NRXN1: variants seen among roughly 807,000 people sequenced by gnomAD.
The protein encoded by NRXN1 is neurexin-1.
NRXN1 carries 39 observed loss-of-function variants against 150.9 expected under a neutral mutation model. That is an observed-to-expected ratio of 0.26 (90% CI 0.20 to 0.34). The LOEUF (loss-of-function observed/expected upper bound fraction) is 0.34, where lower values mean the gene tolerates loss of function less well. Among genes scored for constraint, NRXN1 ranks in the 10% least tolerant of loss-of-function variants. The pLI, the probability that NRXN1 is intolerant of heterozygous loss-of-function variation, is 1.00. For missense variants in NRXN1, 1,815 were observed against 1,949.9 expected (o/e 0.93, Z 1.30); for synonymous variants, 924 against 757.0 (o/e 1.22, Z -3.62).
chr2:50,184,897 T>C (rs1376691319), intron 18 of NRXN1, among the ~76,000 whole-genome samples: 2 of 152,082 alleles, frequency 1.3e-5, no homozygotes, highest in East Asian at 1.9e-4. Context: ...CAAGGTCCCA[T>C]AGCTAGTAAG....
chr2:50,320,772 C>T (rs1055657377), intron 17 of NRXN1, among the ~76,000 whole-genome samples: 2 of 152,070 alleles, frequency 1.3e-5, no homozygotes, highest in African/African-American at 4.8e-5. Context: ...CCAGTAGCTG[C>T]TCTGATGAGA....
At chr2:50,527,452 T>C (rs951999763) in intron 12 of NRXN1, among the ~76,000 whole-genome samples, 2 of 152,314 alleles carry the variant, frequency 1.3e-5, no homozygotes, top group African/African-American at 2.4e-5. Flanking sequence ...TTGTTCGAGA[T>C]CTTTTTAAAT....
rs1490727400 is a variant in NRXN1, at chr2:50,537,426, T to C, written c.2143+827A>G. 3.9e-5 allele frequency among the ~76,000 whole-genome samples: 6 copies of C among 152,224 alleles called. No individual in the cohort carries two copies. In the South Asian group the frequency reaches 6.2e-4, roughly 16 times the overall value. ...GATGGAAGAATAAACTTAGAACTAT[T>C]TGTTCTGCTATTTATTCCTTTAGCC... On this transcript the variant is annotated intron_variant, in intron 10 of 22. Transcript: ENST00000401669.
chr2:50,010,747 T>G (rs1179206754), intron 21 of NRXN1, among the ~76,000 whole-genome samples: 1 of 152,074 alleles, frequency 6.6e-6, no homozygotes, highest in Non-Finnish European at 1.5e-5. Flanking sequence ...CAAAAGAAAT[T>G]CTCAATAGCA....
At chr2:49,956,367 C>T (rs1049704845) in intron 21 of NRXN1, among the ~76,000 whole-genome samples, 1 of 152,164 alleles carries the variant, frequency 6.6e-6, no homozygotes, top group Admixed American at 6.6e-5. Flanking sequence ...TGAAAAGCAA[C>T]GAGAAGCATT....
intron 5 of NRXN1, among the ~76,000 whole-genome samples, chr2:50,883,682 T>C (rs1046221072): frequency 6.6e-6 from 1 of 151,820 alleles, no homozygotes; most frequent in African/African-American, 2.4e-5. Flanking sequence ...AAACATATTT[T>C]GTATTTACAA....
At chr2:50,608,731 C>T (rs143687895) in intron 8 of NRXN1, among the ~76,000 whole-genome samples, 2 of 152,100 alleles carry the variant, frequency 1.3e-5, no homozygotes, top group African/African-American at 2.4e-5. Flanking sequence ...GGTCAATTTA[C>T]TCTTTCAAAC....
chr2:50,404,427 A>G (rs2082609831), intron 17 of NRXN1, among the ~76,000 whole-genome samples: 1 of 152,210 alleles, frequency 6.6e-6, no homozygotes, highest in South Asian at 2.1e-4. Flanking sequence ...AAACCCACTG[A>G]GTTTTTAGGA....
At chr2:50,570,040 A>G (rs1670426886) in intron 8 of NRXN1, among the ~76,000 whole-genome samples, 1 of 152,206 alleles carries the variant, frequency 6.6e-6, no homozygotes, top group African/African-American at 2.4e-5. Flanking sequence ...ATTTCTGATT[A>G]TCTGGTTTAC....
chr2:50,205,411 T>C (rs745726190), intron 18 of NRXN1, among the ~76,000 whole-genome samples: 2 of 152,088 alleles, frequency 1.3e-5, no homozygotes, highest in African/African-American at 2.4e-5. Flanking sequence ...AAAATACTAA[T>C]GATCAACAGA....
chr2:50,346,618 C>T lies in NRXN1; in HGVS notation c.3365-109648G>A, dbSNP rs1001849243. 6.6e-7 allele frequency: 1 copy of T among 1,514,580 alleles called. No individual in the cohort carries two copies. The allele number at this position is 1,514,580 out of a possible 1,614,324, so 93.8% of individuals were successfully genotyped here. Reference sequence around the variant, plus strand: ...CTCCCATTTCTCTGAGCCTTAGGAGCCCAGGAGCGAGTGCAGGGTAGAAAG... The same window carrying T: ...CTCCCATTTCTCTGAGCCTTAGGAGTCCAGGAGCGAGTGCAGGGTAGAAAG... On this transcript the variant is annotated intron_variant, in intron 17 of 22. Transcript: ENST00000401669. This position sits in a 1 kb window ranked among gnomAD's most constrained non-coding sequence, Gnocchi z 5.0.
intron 5 of NRXN1, among the ~76,000 whole-genome samples, chr2:50,719,042 T>A (rs1291082566): frequency 6.6e-6 from 1 of 150,716 alleles, no homozygotes; most frequent in African/African-American, 2.4e-5. Flanking sequence ...AAAGTAAATA[T>A]TAAAATCCTA....
chr2:50,419,566 G>C (rs2083808068), intron 17 of NRXN1, among the ~76,000 whole-genome samples: 1 of 151,466 alleles, frequency 6.6e-6, no homozygotes, highest in African/African-American at 2.4e-5. Context: ...TTCTCAGTGG[G>C]AAAGAAAAAA....
At chr2:50,776,269 G>A (rs191997761) in intron 5 of NRXN1, among the ~76,000 whole-genome samples, 5 of 152,082 alleles carry the variant, frequency 3.3e-5, no homozygotes, top group Admixed American at 6.6e-5. Context: ...TATGTGGTCC[G>A]TACTTCTTTC....
chr2:50,756,281 A>G (rs1391595820), intron 5 of NRXN1, among the ~76,000 whole-genome samples: 3 of 151,668 alleles, frequency 2.0e-5, no homozygotes, highest in Non-Finnish European at 4.4e-5. Flanking sequence ...TTATAAACAT[A>G]GAAACTTCCA....
At chr2:50,133,884 T>A (rs1226162065) in intron 18 of NRXN1, among the ~76,000 whole-genome samples, 1 of 152,178 alleles carries the variant, frequency 6.6e-6, no homozygotes, top group Non-Finnish European at 1.5e-5. Flanking sequence ...TTGTGTCTAA[T>A]ACTCCTCTTC....
intron 15 of NRXN1, among the ~76,000 whole-genome samples, chr2:50,481,969 C>T (rs2090502659): frequency 7.2e-6 from 1 of 138,430 alleles, no homozygotes; most frequent in South Asian, 2.1e-4. Flanking sequence ...GGGGTTTCAC[C>T]GTTTTAGCCG....
chr2:50,927,840 G>A (rs905581416), intron 2 of NRXN1, among the ~76,000 whole-genome samples: 12 of 151,726 alleles, frequency 7.9e-5, no homozygotes, highest in Admixed American at 5.3e-4. Context: ...GCAGTGCTTC[G>A]GTAGAAATTT....
intron 17 of NRXN1, chr2:50,312,704 C>T (rs1369652822): frequency 1.9e-6 from 1 of 512,878 alleles, no homozygotes; most frequent in Non-Finnish European, 3.9e-6. Context: ...CATCTAGTCA[C>T]TAGAAAATGC....
Sources: allele counts gnomAD v4.1 joint callset (sites outside exome capture counted in the v4.1 genomes callset), GRCh38; gene constraint gnomAD v4.1.1; non-coding constraint Gnocchi (gnomAD v3.1); transcripts MANE v1.5; gene names NCBI Gene and HGNC (gene_info 2026-07-23, HGNC 2026-07-21).